YTHDC2: variants seen among roughly 807,000 people sequenced by gnomAD.
The protein encoded by YTHDC2 is 3'-5' RNA helicase YTHDC2.
YTHDC2 carries 45 observed loss-of-function variants against 174.9 expected under a neutral mutation model. That is an observed-to-expected ratio of 0.26 (90% CI 0.20 to 0.33). YTHDC2 has a LOEUF of 0.33. Ranked by LOEUF, YTHDC2 falls within the 10% of genes least tolerant of loss-of-function variation. YTHDC2 has a pLI of 1.00. For missense variants in YTHDC2, 1,650 were observed against 1,723.7 expected (o/e 0.96, Z 0.76); for synonymous variants, 657 against 574.5 (o/e 1.14, Z -2.05).
At chr5:113,522,137 T>TG (rs1298470441) in intron 2 of YTHDC2, among the ~76,000 whole-genome samples, 5 of 70,282 alleles carry the variant, frequency 7.1e-5, no homozygotes, top group African/African-American at 7.7e-5. Context: ...TTTTTTTGTT[T>TG]TTTGTTTTTT....
At chr5:113,548,698 A>T in intron 11 of YTHDC2, 31 bp downstream of exon 11, 1 of 1,587,334 alleles carries the variant, frequency 6.3e-7, no homozygotes, top group Non-Finnish European at 8.5e-7. Flanking sequence ...TTCTTCATAT[A>T]TCTTTGTATA....
At chr5:113,541,369 T>C (rs1775453434) in intron 9 of YTHDC2, among the ~76,000 whole-genome samples, 1 of 152,030 alleles carries the variant, frequency 6.6e-6, no homozygotes, top group African/African-American at 2.4e-5. Flanking sequence ...ATTTTTGTAT[T>C]TTTAGTAGAG....
intron 25 of YTHDC2, 133 bp from the exon 26 acceptor site, chr5:113,584,169 T>C: frequency 2.9e-6 from 2 of 687,730 alleles, no homozygotes; most frequent in Non-Finnish European, 4.5e-6. Flanking sequence ...TTAAATAATA[T>C]TCCATAAATC....
In YTHDC2 at chr5:113,591,025, A is replaced by T. The variant is rs1279192613; in HGVS notation, c.3826-16A>T. 6.2e-7 allele frequency: 1 copy of T among 1,609,170 alleles called. No homozygotes were observed. The highest frequency in any genetic ancestry group is 1.3e-5 in the African/African-American group (1 of 74,570). ...AGGTCAGGTTACCTTTCAAGAACTT[A>T]TGTTTTCTTTTATAGGGCTCAAAAT... On this transcript the variant is annotated splice_polypyrimidine_tract_variant and intron_variant, in intron 26 of 29. Coordinates refer to ENST00000161863, the MANE Select transcript of YTHDC2 (RefSeq NM_022828.5).
intron 26 of YTHDC2, among the ~76,000 whole-genome samples, chr5:113,589,408 A>AAAATATATATATATATATATATATATAT (rs368975720): frequency 1.6e-5 from 2 of 123,260 alleles, no homozygotes; most frequent in African/African-American, 6.8e-5. Flanking sequence ...AAAAAAAAAA[A>AAAATATATATATATATATATATATATAT]ATATATATAT....
intron 29 of YTHDC2, 31 bp downstream of exon 29, chr5:113,593,421 G>C (rs1779109413): frequency 6.6e-7 from 1 of 1,509,264 alleles, no homozygotes; most frequent in Admixed American, 1.7e-5. Context: ...AGTATTGGCA[G>C]TATTTGTGAT....
rs1311423571 is a variant in YTHDC2 at position 113,545,983 on chromosome 5, G to A, written c.1496-2558G>A. 9.5e-5 allele frequency among the ~76,000 whole-genome samples: 13 copies of A among 136,802 alleles called. 4 individuals carry two copies. The South Asian group carries it at 1.1e-3, about 12-fold the overall frequency. The allele number at this position is 136,802 out of a possible 152,430, so 89.7% of individuals were successfully genotyped here. On this transcript the variant is annotated intron_variant, in intron 10 of 29. Transcript: ENST00000161863. Reference sequence around the variant, plus strand: ...TCTCGATCTCCTGACCTCGTGATCCGCCCGCCTCGGCCTCCCAAAGTGCTG... The same window carrying A: ...TCTCGATCTCCTGACCTCGTGATCCACCCGCCTCGGCCTCCCAAAGTGCTG...
At chr5:113,588,910 C>T (rs1233127591) in intron 26 of YTHDC2, among the ~76,000 whole-genome samples, 1 of 152,044 alleles carries the variant, frequency 6.6e-6, no homozygotes, top group Admixed American at 6.6e-5. Flanking sequence ...CACGCGTGAG[C>T]CACCATGCCT....
intron 23 of YTHDC2, among the ~76,000 whole-genome samples, chr5:113,576,685 GC>G (rs1195651786): frequency 6.6e-6 from 1 of 151,706 alleles, no homozygotes; most frequent in African/African-American, 2.4e-5. Flanking sequence ...TCTTTATATT[GC>G]CCTTTAGTTG....
intron 4 of YTHDC2, among the ~76,000 whole-genome samples, chr5:113,531,533 C>G (rs1774667920): frequency 6.6e-6 from 1 of 151,960 alleles, no homozygotes; most frequent in Non-Finnish European, 1.5e-5. Flanking sequence ...TAGATAAACT[C>G]CTCTGTGTCT....
chr5:113,518,429 T>C (rs1773631007), intron 2 of YTHDC2, among the ~76,000 whole-genome samples: 1 of 151,792 alleles, frequency 6.6e-6, no homozygotes, highest in South Asian at 2.1e-4. Context: ...CTTGAACTAC[T>C]GGGCTCAAGC....
At chr5:113,540,242 T>A (rs1775359562) in intron 8 of YTHDC2, among the ~76,000 whole-genome samples, 1 of 152,202 alleles carries the variant, frequency 6.6e-6, no homozygotes, top group Admixed American at 6.5e-5. Context: ...AGCGTGGTGG[T>A]AGAACTTCAA....
intron 23 of YTHDC2, among the ~76,000 whole-genome samples, chr5:113,577,746 A>G (rs1778147760): frequency 6.6e-6 from 1 of 152,180 alleles, no homozygotes; most frequent in East Asian, 1.9e-4. Context: ...TTTTAAATTT[A>G]TCTTAAAAAA....
In YTHDC2 at chr5:113,563,596, G is replaced by T. The variant is rs1227203673; in HGVS notation, c.2442+104G>T. 12 of 1,288,040 alleles carry T rather than the reference G, an allele frequency of 9.3e-6. No individual in the cohort carries two copies. In the African/African-American group the frequency reaches 1.5e-4, roughly 16 times the overall value. The allele number at this position is 1,288,040 out of a possible 1,614,324, so 79.8% of individuals were successfully genotyped here. On this transcript the variant is annotated intron_variant, in intron 19 of 29. Coordinates refer to ENST00000161863, the MANE Select transcript of YTHDC2 (RefSeq NM_022828.5). ...TTTTGTATAATTATTTTTTATTTTT[G>T]TCCTCCTGCATGTGTCCAGATAAAC...
Position 113,541,772 on chromosome 5 carries a change from C to T in YTHDC2, c.1360-596C>T, listed in dbSNP as rs79679737. Among the ~76,000 whole-genome samples the T allele has an allele frequency of 8.6e-3, 1,301 of 151,594 alleles. 22 individuals are homozygous for T. Among genetic ancestry groups the T allele is most frequent in the African/African-American group, 0.03 (1,244 of 41,318 alleles). On this transcript the variant is annotated intron_variant, in intron 9 of 29. Transcript: ENST00000161863. Reference sequence around the variant, plus strand: ...TATTTAACATCTTTATAGATATGCACGCTAAATATACTATATATATAATGA... The same window carrying T: ...TATTTAACATCTTTATAGATATGCATGCTAAATATACTATATATATAATGA...
At chr5:113,534,599 A>G (rs1229787265) in intron 6 of YTHDC2, among the ~76,000 whole-genome samples, 192 bp downstream of exon 6, 1 of 152,182 alleles carries the variant, frequency 6.6e-6, no homozygotes, top group Non-Finnish European at 1.5e-5. Flanking sequence ...ATTATTAGAA[A>G]TATTTTGTAT....
rs78339219 is a variant in YTHDC2, at chr5:113,558,107, A to G, written c.2216+1973A>G. On this transcript the variant is annotated intron_variant, in intron 17 of 29. Coordinates refer to ENST00000161863, the MANE Select transcript of YTHDC2 (RefSeq NM_022828.5). ...AAAGGGGGAGGCATTTCTAAAAGGC[A>G]GAGGGAAAGTATAACCAGGTATACT... Among the ~76,000 whole-genome samples, 998 of 152,342 alleles carry G rather than the reference A, an allele frequency of 6.6e-3. 7 individuals carry two copies. The highest frequency in any genetic ancestry group is 0.022 in the African/African-American group (929 of 41,580).
chr5:113,592,899 G>A (rs768044764), intron 28 of YTHDC2: 1 of 153,210 alleles, frequency 6.5e-6, no homozygotes, highest in Non-Finnish European at 1.5e-5. Context: ...AGAAGATATA[G>A]TTGCTTAAGA....
intron 4 of YTHDC2, among the ~76,000 whole-genome samples, chr5:113,530,590 A>G (rs1299945869): frequency 6.6e-6 from 1 of 152,054 alleles, no homozygotes. Flanking sequence ...GCTGTCATTC[A>G]TTTCACTTAT....
Sources: gnomAD v4.1 joint callset for allele counts (sites outside exome capture counted in the v4.1 genomes callset) on GRCh38, gnomAD v4.1.1 for gene constraint, MANE v1.5 for transcripts, NCBI Gene and HGNC (gene_info 2026-07-23, HGNC 2026-07-21) for gene names.